SHTN1: variants seen among roughly 807,000 people sequenced by gnomAD.
SHTN1 encodes the protein shootin-1.
Under a neutral mutation model 83.1 loss-of-function variants are expected in SHTN1, and 42 were observed. The ratio of observed to expected loss-of-function variants is 0.51; its 90% CI spans 0.39 to 0.65. SHTN1 has a LOEUF of 0.65. Ranked by LOEUF, SHTN1 falls within the 30% of genes least tolerant of loss-of-function variation. The pLI is 0.00. For synonymous variants in SHTN1, 224 were observed against 247.7 expected, an observed-to-expected ratio of 0.90 and a Z score of 0.90; for missense variants, 622 against 737.8, an observed-to-expected ratio of 0.84 and a Z score of 1.82.
intron 1 of SHTN1, among the ~76,000 whole-genome samples, chr10:117,095,632 TAAAAC>T (rs1853492979): frequency 1.3e-5 from 2 of 152,198 alleles, no homozygotes; most frequent in South Asian, 4.1e-4. Flanking sequence ...TTTCCTTCCA[TAAAAC>T]AAAAATATAT....
chr10:116,960,104 C>T (rs1465138502), intron 4 of SHTN1, 32 bp downstream of exon 4: 4 of 1,316,302 alleles, frequency 3.0e-6, no homozygotes, highest in South Asian at 1.2e-5. Context: ...AATTTAAAAG[C>T]TCAGGTAAAA....
rs139918908 is a variant in SHTN1 at position 116,983,851 on chromosome 10, G to A, written c.59-4543C>T. On this transcript the variant is annotated intron_variant, in intron 1 of 16. Coordinates refer to ENST00000355371, the MANE Select transcript of SHTN1 (RefSeq NM_001127211.3). ...TATAGAATGGAAGAAAAAGGAAGATGGTGGAGAAAACAAGGAGAATATCAG... is the reference window on the plus strand; with the variant it reads ...TATAGAATGGAAGAAAAAGGAAGATAGTGGAGAAAACAAGGAGAATATCAG... 8.4e-3 allele frequency among the ~76,000 whole-genome samples: 1,284 copies of A among 152,120 alleles called. 20 individuals are homozygous for A. The highest frequency in any genetic ancestry group is 0.03 in the African/African-American group (1,226 of 41,488).
At chr10:116,937,393 A>AGG (rs1849213036) in intron 9 of SHTN1, among the ~76,000 whole-genome samples, 1 of 152,142 alleles carries the variant, frequency 6.6e-6, no homozygotes, top group Admixed American at 6.5e-5. Context: ...TCTGTCTGTA[A>AGG]AGGATTTTAT....
chr10:116,932,901 C>T (rs1243143391), intron 9 of SHTN1, among the ~76,000 whole-genome samples: 2 of 152,204 alleles, frequency 1.3e-5, no homozygotes, highest in Non-Finnish European at 2.9e-5. Context: ...AGGTTCTAGG[C>T]ACGTATTATT....
intron 2 of SHTN1, among the ~76,000 whole-genome samples, chr10:117,041,486 C>A (rs181054812): frequency 1.9e-4 from 29 of 152,230 alleles, no homozygotes; most frequent in Middle Eastern, 6.8e-3. Context: ...TTAAAACCTG[C>A]AACATGTGTT....
At chr10:116,927,468 T>C (rs1042145285) in intron 11 of SHTN1, among the ~76,000 whole-genome samples, 3 of 152,142 alleles carry the variant, frequency 2.0e-5, no homozygotes, top group African/African-American at 7.2e-5. Flanking sequence ...ACATCTTACA[T>C]GGCAGCAGGG....
At chr10:117,088,181 G>A (rs1445523499) in intron 1 of SHTN1, among the ~76,000 whole-genome samples, 1 of 152,122 alleles carries the variant, frequency 6.6e-6, no homozygotes, top group African/African-American at 2.4e-5. Context: ...TTACCCCACG[G>A]AATGTACTAG....
chr10:116,886,663 G>T (rs1057315179), intron 16 of SHTN1, 97 bp from the exon 17 acceptor site: 4 of 1,519,720 alleles, frequency 2.6e-6, no homozygotes, highest in Non-Finnish European at 3.6e-6. Context: ...AACCCAAAAT[G>T]TTCTAAGTCT....
intron 1 of SHTN1, among the ~76,000 whole-genome samples, chr10:117,049,834 T>C (rs1852715839): frequency 6.6e-6 from 1 of 152,138 alleles, no homozygotes; most frequent in Non-Finnish European, 1.5e-5. Flanking sequence ...AAAATACACA[T>C]ATCAAAATAT....
chr10:117,021,657 C>T (rs1327477187), intron 2 of SHTN1, among the ~76,000 whole-genome samples: 1 of 152,160 alleles, frequency 6.6e-6, no homozygotes, highest in Non-Finnish European at 1.5e-5. Flanking sequence ...ATAGCAGTTT[C>T]ACTCCTATGT....
At chr10:117,109,824 A>G (rs1214795032) in intron 1 of SHTN1, among the ~76,000 whole-genome samples, 1 of 151,816 alleles carries the variant, frequency 6.6e-6, no homozygotes, top group Non-Finnish European at 1.5e-5. Flanking sequence ...TCGGCCTCCC[A>G]AAGTTGTATT....
At chr10:116,936,403 T>C (rs1031800273) in intron 9 of SHTN1, among the ~76,000 whole-genome samples, 1 of 152,242 alleles carries the variant, frequency 6.6e-6, no homozygotes, top group African/African-American at 2.4e-5. Flanking sequence ...AACTTATTTA[T>C]TTCTGCCTTA....
intron 12 of SHTN1, among the ~76,000 whole-genome samples, chr10:116,920,334 A>G (rs1183025188): frequency 6.6e-6 from 1 of 152,170 alleles, no homozygotes; most frequent in Non-Finnish European, 1.5e-5. Context: ...AACAGACTCC[A>G]GTGCATCTAG....
intron 1 of SHTN1, among the ~76,000 whole-genome samples, chr10:116,979,567 G>A (rs1337406322): frequency 6.6e-6 from 1 of 152,162 alleles, no homozygotes; most frequent in African/African-American, 2.4e-5. Context: ...TTACAGGCAC[G>A]AGTCACCAAA....
At chr10:116,918,620 G>A (rs1848452003) in intron 12 of SHTN1, among the ~76,000 whole-genome samples, 1 of 152,256 alleles carries the variant, frequency 6.6e-6, no homozygotes, top group Non-Finnish European at 1.5e-5. Flanking sequence ...GATTCCCTTT[G>A]CTCCTCCCAA....
rs566998080 is a variant in SHTN1, at chr10:117,080,991, T to C, written c.-188-32481A>G. 3.3e-4 allele frequency among the ~76,000 whole-genome samples: 50 copies of C among 151,850 alleles called. No individual in the cohort carries two copies. In the South Asian group the frequency reaches 0.01, roughly 31 times the overall value. ...CATGTCATCTGCAAACAGGGACAAT[T>C]TGACTTCCTCTTTTCCTAATTGAAT... On this transcript the variant is annotated intron_variant, in intron 1 of 17. Coordinates refer to the SHTN1 transcript ENST00000392901.
intron 1 of SHTN1, among the ~76,000 whole-genome samples, chr10:117,119,788 A>T (rs1316993323): frequency 6.6e-6 from 1 of 152,184 alleles, no homozygotes; most frequent in Non-Finnish European, 1.5e-5. Context: ...GCGTCTATCG[A>T]CAGATGAATG....
At position 117,069,808 on chromosome 10, in the gene SHTN1, C is replaced by A. The variant is rs1042454909; in HGVS notation, c.-188-21298G>T. Among the ~76,000 whole-genome samples the A allele has an allele frequency of 3.3e-5, 5 of 152,050 alleles. No individual in the cohort carries two copies. In the East Asian group the frequency reaches 9.7e-4, roughly 29 times the overall value. On this transcript the variant is annotated intron_variant, in intron 1 of 17. Transcript: ENST00000392901. ...ATTTTTCTGTTGGGCATGGATGAGA[C>A]AGTGATTTATTCTGCAAAGCAAATG...
At chr10:116,942,632 GTTAA>G (rs1849422643) in intron 8 of SHTN1, among the ~76,000 whole-genome samples, 1 of 152,208 alleles carries the variant, frequency 6.6e-6, no homozygotes, top group African/African-American at 2.4e-5. Flanking sequence ...ACTAGCGGGA[GTTAA>G]GAATGGGGGG....
Sources: gnomAD v4.1 joint callset for allele counts (sites outside exome capture counted in the v4.1 genomes callset) on GRCh38, gnomAD v4.1.1 for gene constraint, MANE v1.5 for transcripts, NCBI Gene and HGNC (gene_info 2026-07-23, HGNC 2026-07-21) for gene names.